Variants in GALNT17 observed in about 807,000 individuals in gnomAD.
GALNT17 encodes polypeptide N-acetylgalactosaminyltransferase 17.
Under a neutral mutation model 63.7 loss-of-function variants are expected in GALNT17, and 29 were observed. The observed-to-expected ratio is 0.46, with a 90% CI of 0.34 to 0.62. The LOEUF (loss-of-function observed/expected upper bound fraction) is 0.62. Ranked by LOEUF, GALNT17 falls within the 20% of genes least tolerant of loss-of-function variation. The pLI, the probability that GALNT17 is intolerant of heterozygous loss-of-function variation, is 0.01. For missense variants in GALNT17, 603 were observed against 799.6 expected (o/e 0.75, Z 2.97); for synonymous variants, 305 against 318.3 (o/e 0.96, Z 0.45).
intron 5 of GALNT17, among the ~76,000 whole-genome samples, chr7:71,466,476 C>A (rs1170968207): frequency 6.6e-6 from 1 of 152,126 alleles, no homozygotes; most frequent in Non-Finnish European, 1.5e-5. Context: ...GTGTTTTACC[C>A]AAAAATGTAT....
intron 5 of GALNT17, among the ~76,000 whole-genome samples, chr7:71,532,990 C>T (rs914118456): frequency 2.6e-5 from 4 of 152,056 alleles, no homozygotes; most frequent in African/African-American, 9.7e-5. Context: ...TGCATGAGGT[C>T]GGAGAGTAAT....
At chr7:71,167,617 T>A (rs1006828809) in intron 1 of GALNT17, among the ~76,000 whole-genome samples, 7 of 152,202 alleles carry the variant, frequency 4.6e-5, no homozygotes, top group African/African-American at 1.4e-4. Context: ...CTTTTATGGA[T>A]CATACTTTTG....
At chr7:71,485,931 T>C (rs1787900778) in intron 5 of GALNT17, among the ~76,000 whole-genome samples, 1 of 152,318 alleles carries the variant, frequency 6.6e-6, no homozygotes, top group Middle Eastern at 3.4e-3. Flanking sequence ...GTTTCTCTGA[T>C]TGGAGCAAAA....
chr7:71,219,668 G>GAGGT (rs1789548263), intron 1 of GALNT17, among the ~76,000 whole-genome samples: 1 of 152,014 alleles, frequency 6.6e-6, no homozygotes, highest in African/African-American at 2.4e-5. Flanking sequence ...TCTTTCCCTC[G>GAGGT]ATTCTCTGAG....
At chr7:71,162,056 CT>C (rs1218435256) in intron 1 of GALNT17, among the ~76,000 whole-genome samples, 2 of 93,202 alleles carry the variant, frequency 2.1e-5, no homozygotes, top group Non-Finnish European at 2.3e-5. Context: ...CCCTTCCTCC[CT>C]TTCCTTCCTT....
intron 6 of GALNT17, among the ~76,000 whole-genome samples, chr7:71,636,172 G>A (rs900830639): frequency 1.3e-5 from 2 of 152,094 alleles, no homozygotes; most frequent in African/African-American, 4.8e-5. Context: ...TATGTATTGG[G>A]TACATTTCAA....
chr7:71,545,859 G>T (rs371290318), intron 5 of GALNT17, among the ~76,000 whole-genome samples: 3 of 152,236 alleles, frequency 2.0e-5, no homozygotes, highest in African/African-American at 7.2e-5. Flanking sequence ...GATTTCTCCG[G>T]TAAGTTTTCT....
chr7:71,656,765 G>A (rs1177921695), intron 6 of GALNT17, among the ~76,000 whole-genome samples: 3 of 152,158 alleles, frequency 2.0e-5, no homozygotes, highest in African/African-American at 2.4e-5. Flanking sequence ...ATTGGCTGGC[G>A]CCTAGGGAGG....
intron 6 of GALNT17, among the ~76,000 whole-genome samples, chr7:71,630,691 A>G (rs972084362): frequency 3.3e-5 from 5 of 152,206 alleles, no homozygotes; most frequent in African/African-American, 1.2e-4. Context: ...GTGCTCTTCT[A>G]AAAATACCAG....
chr7:71,361,324 A>T (rs1792397450), intron 2 of GALNT17, among the ~76,000 whole-genome samples: 1 of 152,246 alleles, frequency 6.6e-6, no homozygotes, highest in South Asian at 2.1e-4. Flanking sequence ...TTTACCTGTG[A>T]TATGGGTGCC....
chr7:71,241,880 C>A (rs1790003749), intron 1 of GALNT17, among the ~76,000 whole-genome samples: 1 of 152,008 alleles, frequency 6.6e-6, no homozygotes, highest in Non-Finnish European at 1.5e-5. Context: ...CAGGATGAGA[C>A]CTTATCCCAA....
At chr7:71,480,311 G>A (rs1787796359) in intron 5 of GALNT17, among the ~76,000 whole-genome samples, 1 of 149,030 alleles carries the variant, frequency 6.7e-6, no homozygotes, top group Non-Finnish European at 1.5e-5. Flanking sequence ...GATTATAGGT[G>A]TGCCCCACCA....
In GALNT17 at chr7:71,402,733, AG is replaced by A. The variant is rs1314150610; in HGVS notation, c.590-13153del. Reference sequence around the variant, plus strand: ...AGGTTATACCCTCTGCACTTCCAAAAGGGATTTTGGAGAAGTCACACTGGCA... The same window carrying A: ...AGGTTATACCCTCTGCACTTCCAAAAGGATTTTGGAGAAGTCACACTGGCA... On this transcript the variant is annotated intron_variant, in intron 3 of 10. Transcript: ENST00000333538. 5.0e-5 allele frequency among the ~76,000 whole-genome samples: 7 copies of A among 139,914 alleles called. No individual in the cohort carries two copies. The East Asian group carries it at 1.3e-3, about 27-fold the overall frequency. 91.8% of individuals were successfully genotyped at this position (139,914 alleles called of 152,430 possible).
At chr7:71,405,316 A>C (rs746850185) in intron 3 of GALNT17, among the ~76,000 whole-genome samples, 5 of 152,120 alleles carry the variant, frequency 3.3e-5, no homozygotes, top group Admixed American at 6.5e-5. Context: ...GTCTTAGTCC[A>C]TTTGGGGACT....
intron 1 of GALNT17, among the ~76,000 whole-genome samples, chr7:71,261,060 C>CTT (rs1277404293): frequency 6.6e-6 from 1 of 152,200 alleles, no homozygotes; most frequent in Non-Finnish European, 1.5e-5. Flanking sequence ...TATGTGTGCA[C>CTT]TTTGGAAGCC....
chr7:71,693,307 C>CATATATATATAT (rs1397260396), intron 9 of GALNT17, among the ~76,000 whole-genome samples: 3 of 126,682 alleles, frequency 2.4e-5, no homozygotes, highest in Non-Finnish European at 3.2e-5. Context: ...CACACACACA[C>CATATATATATAT]ACATATATAT....
chr7:71,267,066 C>T lies in GALNT17; in HGVS notation c.239-68484C>T, dbSNP rs148955391. On this transcript the variant is annotated intron_variant, in intron 1 of 10. Transcript: ENST00000333538. ...ATTTCAGGAATCCTTCCCTGACATG[C>T]AAAAGCCCATCCCCGAAGCAACGTG... 3.1e-3 allele frequency among the ~76,000 whole-genome samples: 472 copies of T among 152,348 alleles called. 5 individuals carry two copies. The highest frequency in any genetic ancestry group is 9.7e-3 in the Admixed American group (149 of 15,308).
intron 6 of GALNT17, among the ~76,000 whole-genome samples, chr7:71,659,269 A>G (rs1483659099): frequency 1.3e-5 from 2 of 152,170 alleles, no homozygotes; most frequent in African/African-American, 2.4e-5. Flanking sequence ...TCACTTATGT[A>G]TTGCAGTGTA....
intron 9 of GALNT17, among the ~76,000 whole-genome samples, chr7:71,700,322 A>G (rs1471800920): frequency 2.7e-5 from 4 of 149,410 alleles, no homozygotes; most frequent in Admixed American, 1.3e-4. Context: ...AAAAAAAAAG[A>G]AGAATTCTTA....
Sources: gnomAD v4.1 joint callset for allele counts (sites outside exome capture counted in the v4.1 genomes callset) on GRCh38, gnomAD v4.1.1 for gene constraint, MANE v1.5 for transcripts, NCBI Gene and HGNC (gene_info 2026-07-23, HGNC 2026-07-21) for gene names.